Variants in STOX2 observed in about 807,000 individuals in gnomAD.
STOX2 encodes the protein storkhead box 2, also known as storkhead-box protein 2.
In STOX2, 28 loss-of-function variants were observed where a neutral mutation model predicts 60.9. That is an observed-to-expected ratio of 0.46 (90% confidence interval 0.34 to 0.63). The LOEUF (loss-of-function observed/expected upper bound fraction) is 0.63. Ranked by LOEUF, STOX2 falls within the 30% of genes least tolerant of loss-of-function variation. The pLI is 0.01. For synonymous variants in STOX2, 472 were observed against 463.9 expected (o/e 1.02, Z -0.22); for missense variants, 1,024 against 1,187.7 (o/e 0.86, Z 2.03).
chr4:184,010,265 A>G lies in STOX2; in HGVS notation c.1427A>G (p.Asp476Gly). 3 of 1,575,142 alleles carry G rather than the reference A, an allele frequency of 1.9e-6. No individual in the cohort carries two copies. Among genetic ancestry groups the G allele is most frequent in the Non-Finnish European group, 2.6e-6 (3 of 1,160,420 alleles). ...CACCGAAGCCACAGCCATACACAGGACCGGAGGTCCAGGAATGAGAGATCC... is the reference window on the plus strand; with the variant it reads ...CACCGAAGCCACAGCCATACACAGGGCCGGAGGTCCAGGAATGAGAGATCC... The part of the protein sequence containing the change: ...KVHRSHSHTQ[D>G]RRSRNERSNK... The change falls in exon 3 of 4, where the codon GAC becomes GGC. Residue 476 changes from aspartate to glycine, a missense_variant. By Grantham distance (94) the Asp-to-Gly change is moderately conservative. Transcript: ENST00000308497. This position sits in a 1 kb window ranked among gnomAD's most constrained non-coding sequence, Gnocchi z 4.5.
At chr4:183,957,161 A>ATAC (rs1333592236) in intron 1 of STOX2, among the ~76,000 whole-genome samples, 1 of 148,608 alleles carries the variant, frequency 6.7e-6, no homozygotes, top group African/African-American at 2.5e-5. Context: ...AATAATAATA[A>ATAC]TAATAATAAT....
At chr4:183,953,819 G>A (rs1473331850) in intron 1 of STOX2, among the ~76,000 whole-genome samples, 1 of 152,120 alleles carries the variant, frequency 6.6e-6, no homozygotes, top group Non-Finnish European at 1.5e-5. Context: ...ACCTGCCTCA[G>A]CCTCCCAAAG....
intron 1 of STOX2, among the ~76,000 whole-genome samples, chr4:183,965,370 G>A (rs983114070): frequency 2.6e-5 from 4 of 152,186 alleles, no homozygotes; most frequent in African/African-American, 4.8e-5. Context: ...AGTACTGGCC[G>A]TGCAGAAGGT....
chr4:183,818,405 GT>G (rs534899241), intron 1 of STOX2, among the ~76,000 whole-genome samples: 522 of 152,292 alleles, frequency 3.4e-3, no homozygotes, highest in Non-Finnish European at 5.4e-3. Context: ...GAGAGCACAG[GT>G]GTTGGAGGTA....
At chr4:183,878,648 CG>C (rs1363864412) in intron 1 of STOX2, among the ~76,000 whole-genome samples, 108 of 152,298 alleles carry the variant, frequency 7.1e-4, no homozygotes, top group African/African-American at 2.5e-3. Flanking sequence ...TTCTGTATAA[CG>C]ACCTCTTCAA....
At chr4:183,900,221 G>A (rs868848449) in intron 1 of STOX2, among the ~76,000 whole-genome samples, 3 of 152,134 alleles carry the variant, frequency 2.0e-5, no homozygotes, top group African/African-American at 7.2e-5. Flanking sequence ...GAGCTCTGAT[G>A]GGGATGTACA....
chr4:183,848,613 A>C (rs1159724734), intron 1 of STOX2, among the ~76,000 whole-genome samples: 1 of 152,092 alleles, frequency 6.6e-6, no homozygotes, highest in East Asian at 1.9e-4. Context: ...GGCAGTGGAC[A>C]ATGGCTAGAT....
chr4:183,847,636 G>A (rs1001280429), intron 1 of STOX2, among the ~76,000 whole-genome samples: 1 of 152,038 alleles, frequency 6.6e-6, no homozygotes, highest in African/African-American at 2.4e-5. Context: ...GACCACAATC[G>A]AACTGGATAG....
Position 183,813,037 on chromosome 4 carries a change from G to A in STOX2, c.364+14982G>A, listed in dbSNP as rs538520451. ...GCCCTCCGTGTCTGTGGGTTCTGGG[G>A]CCACAGATTCAGCCAATGGCAGATG... On this transcript the variant is annotated intron_variant, in intron 1 of 2. Coordinates refer to the STOX2 transcript ENST00000513034. 1.3e-4 allele frequency among the ~76,000 whole-genome samples: 20 copies of A among 152,248 alleles called. 1 individual carries two copies. The South Asian group carries it at 4.1e-3, about 32-fold the overall frequency.
chr4:183,888,047 C>T (rs1414765516), intron 1 of STOX2, among the ~76,000 whole-genome samples: 4 of 152,182 alleles, frequency 2.6e-5, no homozygotes, highest in Admixed American at 2.6e-4. Context: ...AGCCACTGCG[C>T]CTGGCCCTGG....
intron 1 of STOX2, chr4:183,987,719 A>G (rs1732909005): frequency 6.6e-6 from 1 of 152,148 alleles, no homozygotes; most frequent in Non-Finnish European, 1.5e-5. Flanking sequence ...TGCGAGCCTG[A>G]CGGCTGTGTG....
At chr4:183,929,450 A>G (rs1372144872) in intron 1 of STOX2, among the ~76,000 whole-genome samples, 2 of 152,214 alleles carry the variant, frequency 1.3e-5, no homozygotes, top group Non-Finnish European at 2.9e-5. Flanking sequence ...CATTACGTGT[A>G]GTATGTTGGG....
chr4:183,916,142 G>T (rs6821405), intron 1 of STOX2, among the ~76,000 whole-genome samples: 151,180 of 152,338 alleles, frequency 0.99, 75,035 homozygotes, highest in Middle Eastern at 1. Context: ...ACAGAGTCCC[G>T]GGACGTGGTG....
intron 1 of STOX2, among the ~76,000 whole-genome samples, chr4:183,835,145 G>T (rs1395142378): frequency 3.3e-5 from 5 of 150,366 alleles, no homozygotes; most frequent in Non-Finnish European, 7.4e-5. Context: ...TTGAACTTCA[G>T]CTTTTTCATC....
chr4:183,948,301 A>G (rs1742961871), intron 1 of STOX2, among the ~76,000 whole-genome samples: 2 of 150,126 alleles, frequency 1.3e-5, no homozygotes, highest in African/African-American at 4.9e-5. Context: ...ATTTCCTTTC[A>G]AAAAGAAGAA....
rs369241006 is a variant in STOX2, at chr4:184,006,872, T to C, written c.320-2286T>C. 3.7e-3 allele frequency among the ~76,000 whole-genome samples: 557 copies of C among 150,192 alleles called. 1 individual carries two copies. Among genetic ancestry groups the C allele is most frequent in the Middle Eastern group, 0.028 (8 of 288 alleles). ...TCTACTAAAAATACAAAAAATTAGC[T>C]GGGCGTAGTGGCGGGCGCCTGTAGT... On this transcript the variant is annotated intron_variant, in intron 2 of 3. Coordinates refer to ENST00000308497, the MANE Select transcript of STOX2 (RefSeq NM_020225.3).
rs200579646 is a variant in STOX2, at chr4:183,987,274, G to GT, written c.167-14048dup. On this transcript the variant is annotated intron_variant, in intron 1 of 3. Coordinates refer to ENST00000308497, the MANE Select transcript of STOX2 (RefSeq NM_020225.3). The stretch of plus-strand genomic sequence containing the variant: ...GCCGCCCCCGTCTTCCTCCTGAGAT[G>GT]TTTACGTGTTGCTTCTTGCACTCTA... Among the ~76,000 whole-genome samples, 639 of 152,094 alleles carry GT rather than the reference G, an allele frequency of 4.2e-3. 2 individuals carry two copies. Among genetic ancestry groups the GT allele is most frequent in the Non-Finnish European group, 7.3e-3 (494 of 67,998 alleles).
chr4:183,824,001 A>G (rs1045477937), intron 1 of STOX2, among the ~76,000 whole-genome samples: 2 of 152,330 alleles, frequency 1.3e-5, no homozygotes, highest in East Asian at 1.9e-4. Context: ...GTAGCCATGT[A>G]TCGTAAAATC....
At chr4:183,818,298 C>CT (rs1739203362) in intron 1 of STOX2, among the ~76,000 whole-genome samples, 1 of 151,900 alleles carries the variant, frequency 6.6e-6, no homozygotes, top group Non-Finnish European at 1.5e-5. Flanking sequence ...GGTGATGACT[C>CT]TTAACGAGCA....
Sources: allele counts gnomAD v4.1 joint callset (sites outside exome capture counted in the v4.1 genomes callset), GRCh38; gene constraint gnomAD v4.1.1; non-coding constraint Gnocchi (gnomAD v3.1); transcripts MANE v1.5; gene names NCBI Gene and HGNC (gene_info 2026-07-23, HGNC 2026-07-21).